Variants in SLC8A1 observed in about 807,000 individuals in gnomAD.
The protein encoded by SLC8A1 is sodium/calcium exchanger 1.
In SLC8A1, 18 loss-of-function variants were observed where a neutral mutation model predicts 68.3. The observed-to-expected ratio is 0.26, with a 90% CI of 0.18 to 0.39. The LOEUF is 0.39. Among genes scored for constraint, SLC8A1 ranks in the 10% least tolerant of loss-of-function variants. SLC8A1 has a pLI of 1.00. For missense variants in SLC8A1, 985 were observed against 1,156.7 expected (o/e 0.85, Z 2.15); for synonymous variants, 475 against 415.5 (o/e 1.14, Z -1.74).
intron 2 of SLC8A1, among the ~76,000 whole-genome samples, chr2:40,179,307 C>A (rs1239644661): frequency 9.2e-5 from 14 of 152,234 alleles, no homozygotes; most frequent in African/African-American, 3.1e-4. Context: ...TTTCAAACAT[C>A]ACCGATACAC....
At chr2:40,510,667 AG>A (rs1232266233) in intron 1 of SLC8A1, among the ~76,000 whole-genome samples, 1 of 152,150 alleles carries the variant, frequency 6.6e-6, no homozygotes, top group Non-Finnish European at 1.5e-5. Context: ...TGTCTCTGTT[AG>A]TTTAAAAAAA....
intron 2 of SLC8A1, among the ~76,000 whole-genome samples, chr2:40,275,581 G>A (rs1208610574): frequency 6.6e-6 from 1 of 151,578 alleles, no homozygotes; most frequent in Non-Finnish European, 1.5e-5. Flanking sequence ...TGGGTCTGAT[G>A]ATGTTTTTTT....
At chr2:40,286,594 G>T (rs1201177365) in intron 2 of SLC8A1, among the ~76,000 whole-genome samples, 1 of 152,150 alleles carries the variant, frequency 6.6e-6, no homozygotes, top group African/African-American at 2.4e-5. Context: ...AAGTTCTAAG[G>T]CAACTGGACT....
At chr2:40,166,024 C>A (rs551754149) in intron 4 of SLC8A1, among the ~76,000 whole-genome samples, 1 of 152,228 alleles carries the variant, frequency 6.6e-6, no homozygotes. Flanking sequence ...CTGATGGCCT[C>A]ATTTCTAGGA....
At chr2:40,265,390 C>G (rs1479779598) in intron 2 of SLC8A1, among the ~76,000 whole-genome samples, 18 of 152,098 alleles carry the variant, frequency 1.2e-4, no homozygotes, top group Admixed American at 1.1e-3. Flanking sequence ...ATAAAACACC[C>G]TGTGAATGTA....
At chr2:40,354,987 T>A (rs1672245534) in intron 2 of SLC8A1, among the ~76,000 whole-genome samples, 1 of 152,194 alleles carries the variant, frequency 6.6e-6, no homozygotes, top group Non-Finnish European at 1.5e-5. Flanking sequence ...GTGTTTGACA[T>A]AAAATTTCTA....
intron 6 of SLC8A1, among the ~76,000 whole-genome samples, chr2:40,152,018 C>A (rs1434616907): frequency 6.6e-6 from 1 of 152,130 alleles, no homozygotes; most frequent in Non-Finnish European, 1.5e-5. Context: ...CTTAATGTGA[C>A]CATTAAACAG....
chr2:40,139,280 G>T, intron 7 of SLC8A1, 121 bp downstream of exon 10: 5 of 1,085,036 alleles, frequency 4.6e-6, no homozygotes, highest in African/African-American at 1.6e-5. Context: ...ATACCTCAGG[G>T]CTCTCGTCTT....
At chr2:40,281,378 C>T (rs779499801) in intron 2 of SLC8A1, among the ~76,000 whole-genome samples, 2 of 152,176 alleles carry the variant, frequency 1.3e-5, no homozygotes, top group Non-Finnish European at 2.9e-5. Flanking sequence ...AAAAAAGCAA[C>T]ACTGTTGGTC....
At chr2:40,348,223 G>C (rs952297475) in intron 2 of SLC8A1, among the ~76,000 whole-genome samples, 1 of 152,140 alleles carries the variant, frequency 6.6e-6, no homozygotes, top group Non-Finnish European at 1.5e-5. Context: ...GTTCCCACCA[G>C]CTGGAATCCA....
chr2:40,463,839 TACACACACACAC>T (rs761954909), intron 1 of SLC8A1, among the ~76,000 whole-genome samples: 12,331 of 123,308 alleles, frequency 0.1, 547 homozygotes, highest in Middle Eastern at 0.18. Flanking sequence ...CACACACACA[TACACACACACAC>T]ACACACACAC....
At chr2:40,347,580 G>C (rs769419820) in intron 2 of SLC8A1, among the ~76,000 whole-genome samples, 4 of 152,144 alleles carry the variant, frequency 2.6e-5, no homozygotes, top group Non-Finnish European at 5.9e-5. Flanking sequence ...CAGAGGTGTT[G>C]GGAATATTCC....
At chr2:40,214,362 T>C (rs566047234) in intron 2 of SLC8A1, among the ~76,000 whole-genome samples, 20 of 152,100 alleles carry the variant, frequency 1.3e-4, no homozygotes, top group African/African-American at 3.9e-4. Flanking sequence ...TCCCCAAATA[T>C]ATCTGCTGTC....
At chr2:40,165,986 C>G (rs1558591422) in intron 4 of SLC8A1, among the ~76,000 whole-genome samples, 2 of 152,308 alleles carry the variant, frequency 1.3e-5, no homozygotes, top group East Asian at 3.9e-4. Flanking sequence ...TCCAATGAAA[C>G]ATTATCTGAT....
chr2:40,154,552 C>G (rs922991416), intron 6 of SLC8A1, among the ~76,000 whole-genome samples: 72 of 143,444 alleles, frequency 5.0e-4, no homozygotes, highest in Non-Finnish European at 9.3e-4. Flanking sequence ...TGGTCTCGAT[C>G]TTCTGACCTC....
intron 1 of SLC8A1, among the ~76,000 whole-genome samples, chr2:40,478,918 C>T (rs1447124681): frequency 6.6e-6 from 1 of 152,004 alleles, no homozygotes; most frequent in Non-Finnish European, 1.5e-5. Flanking sequence ...ATTATAGGCG[C>T]CCGCCACCAC....
At chr2:40,183,600 GC>G (rs2050055419) in intron 2 of SLC8A1, among the ~76,000 whole-genome samples, 1 of 152,112 alleles carries the variant, frequency 6.6e-6, no homozygotes, top group Non-Finnish European at 1.5e-5. Flanking sequence ...CTCCATCCAG[GC>G]CCACAGAATC....
chr2:40,384,099 GT>G (rs941183280), intron 2 of SLC8A1, among the ~76,000 whole-genome samples: 8 of 146,328 alleles, frequency 5.5e-5, no homozygotes, highest in South Asian at 4.2e-4. Context: ...CATCTCTACA[GT>G]TTTTTTTTTT....
chr2:40,299,157 C>T (rs1176280607), intron 2 of SLC8A1, among the ~76,000 whole-genome samples: 2 of 152,118 alleles, frequency 1.3e-5, no homozygotes, highest in South Asian at 2.1e-4. Flanking sequence ...TTCTGGGTGG[C>T]AGAGCCATGT....
Sources: allele counts gnomAD v4.1 joint callset (sites outside exome capture counted in the v4.1 genomes callset), GRCh38; gene constraint gnomAD v4.1.1; transcripts MANE v1.5; gene names NCBI Gene and HGNC (gene_info 2026-07-23, HGNC 2026-07-21).